IGF1R: variants seen among roughly 807,000 people sequenced by gnomAD.
IGF1R encodes insulin-like growth factor 1 receptor.
IGF1R carries 44 observed loss-of-function variants against 144.6 expected under a neutral mutation model. The observed-to-expected ratio is 0.30, with a 90% CI of 0.24 to 0.39. IGF1R has a LOEUF of 0.39. Ranked by LOEUF, IGF1R falls within the 10% of genes least tolerant of loss-of-function variation. IGF1R has a pLI of 1.00. For missense variants in IGF1R, 1,355 were observed against 1,833.7 expected (o/e 0.74, Z 4.77); for synonymous variants, 795 against 722.8 (o/e 1.10, Z -1.60).
At chr15:98,829,233 C>T (rs1046787652) in intron 2 of IGF1R, among the ~76,000 whole-genome samples, 3 of 152,130 alleles carry the variant, frequency 2.0e-5, no homozygotes, top group East Asian at 1.9e-4. Context: ...TTGCTGCAGC[C>T]GTTTCTGATG....
At chr15:98,671,224 C>CT (rs1236781728) in intron 1 of IGF1R, among the ~76,000 whole-genome samples, 2 of 152,176 alleles carry the variant, frequency 1.3e-5, no homozygotes, top group Admixed American at 6.5e-5. Context: ...TTTACTTAGA[C>CT]TTAGCAAAAA....
At chr15:98,881,504 G>T (rs986316954) in intron 2 of IGF1R, among the ~76,000 whole-genome samples, 8 of 152,168 alleles carry the variant, frequency 5.3e-5, no homozygotes, top group Admixed American at 4.6e-4. Flanking sequence ...TGTATTTTTA[G>T]TAGAGATCGG....
intron 2 of IGF1R, among the ~76,000 whole-genome samples, chr15:98,729,460 T>C (rs2054445458): frequency 6.6e-6 from 1 of 152,196 alleles, no homozygotes; most frequent in Non-Finnish European, 1.5e-5. Flanking sequence ...CTTTTATTTC[T>C]TCTATTCTTT....
At chr15:98,930,358 G>C in intron 15 of IGF1R, 53 bp downstream of exon 15, 3 of 1,303,354 alleles carry the variant, frequency 2.3e-6, no homozygotes, top group Admixed American at 1.7e-5. Context: ...TAGATCGGGA[G>C]CTTTCAGGAG....
intron 2 of IGF1R, among the ~76,000 whole-genome samples, chr15:98,777,111 G>A (rs1407000344): frequency 6.6e-6 from 1 of 152,162 alleles, no homozygotes; most frequent in Non-Finnish European, 1.5e-5. Context: ...GGTGTGCTCA[G>A]ATACCGTGTC....
At chr15:98,808,379 G>T (rs968863161) in intron 2 of IGF1R, among the ~76,000 whole-genome samples, 4 of 152,088 alleles carry the variant, frequency 2.6e-5, no homozygotes, top group Non-Finnish European at 4.4e-5. Context: ...GTGAATAATT[G>T]TTTCACTTTG....
intron 20 of IGF1R, among the ~76,000 whole-genome samples, chr15:98,950,224 G>A (rs904446961): frequency 6.6e-6 from 1 of 152,220 alleles, no homozygotes; most frequent in African/African-American, 2.4e-5. Flanking sequence ...CACAGACTCA[G>A]GCTGGGCCCA....
Position 98,948,702 on chromosome 15 carries a change from A to G in IGF1R, c.3716A>G (p.Asp1239Gly). ...GLLDKPDNCPDMLFELMRMCW... is the reference protein window; with the variant it reads ...GLLDKPDNCPGMLFELMRMCW... ...CTGGACAAGCCAGACAACTGTCCTG[A>G]CATGCTGTACGTACTTCCTGGGCCC... The change falls in exon 20 of 21, where the codon GAC (aspartate) becomes GGC (glycine). Residue 1239 changes from aspartate to glycine, a missense_variant. Coordinates refer to ENST00000650285, the MANE Select transcript of IGF1R (RefSeq NM_000875.5). 1 of 1,614,136 alleles carries G rather than the reference A, an allele frequency of 6.2e-7. No homozygotes were observed. The highest frequency in any genetic ancestry group is 8.5e-7 in the Non-Finnish European group (1 of 1,180,018).
chr15:98,869,888 G>A (rs1454650648), intron 2 of IGF1R, among the ~76,000 whole-genome samples: 1 of 152,182 alleles, frequency 6.6e-6, no homozygotes, highest in African/African-American at 2.4e-5. Flanking sequence ...GTCTCTATCT[G>A]TGTGTAAGGC....
At chr15:98,797,766 C>G (rs1045102647) in intron 2 of IGF1R, among the ~76,000 whole-genome samples, 1 of 152,198 alleles carries the variant, frequency 6.6e-6, no homozygotes, top group African/African-American at 2.4e-5. Context: ...GAGACAAAGC[C>G]AACTCCATTC....
In IGF1R at chr15:98,877,724, C is replaced by G. The variant is rs114321820; in HGVS notation, c.641-13601C>G. Among the ~76,000 whole-genome samples, 409 of 152,216 alleles carry G rather than the reference C, an allele frequency of 2.7e-3. 2 individuals are homozygous for G. The highest frequency in any genetic ancestry group is 9.4e-3 in the African/African-American group (391 of 41,528). On this transcript the variant is annotated intron_variant, in intron 2 of 20. Coordinates refer to ENST00000650285, the MANE Select transcript of IGF1R (RefSeq NM_000875.5). ...GAGGCTTCACTGTGATTTGCCTGTA[C>G]AGGTGTGCAGGTAAAAATCTAAGTT...
intron 2 of IGF1R, among the ~76,000 whole-genome samples, chr15:98,753,396 T>TTTTTTTTTG: frequency 7.0e-6 from 1 of 143,672 alleles, no homozygotes; most frequent in Non-Finnish European, 1.5e-5. Context: ...TTTTTTTTTT[T>TTTTTTTTTG]TTTTTTTTGT....
rs2017081679 is a variant in IGF1R, at chr15:98,958,090, TG to T, written c.*651del. 4.3e-6 allele frequency: 1 copy of T among 233,694 alleles called. No individual in the cohort carries two copies. Among genetic ancestry groups the T allele is most frequent in the South Asian group, 1.8e-4 (1 of 5,550 alleles). The allele number at this position is 233,694 out of a possible 1,614,324, so 14.5% of individuals were successfully genotyped here. A position where few individuals can be genotyped will look rare whatever the true frequency, so the allele number is the denominator to read the frequency against. ...CGCTGATTCCTCGTGTCCGGAGGCA[TG>T]GGTGAGCATGGCAGCTGGTTGCTCC... On this transcript the variant is annotated 3_prime_UTR_variant, in exon 21 of 21. Transcript: ENST00000650285.
chr15:98,963,705 TATC>T lies in IGF1R; in HGVS notation c.*6266_*6268del, dbSNP rs751350179. 9.6e-4 allele frequency: 223 copies of T among 233,318 alleles called. No individual in the cohort carries two copies. The highest frequency in any genetic ancestry group is 3.5e-3 in the Admixed American group (63 of 17,804). The allele number at this position is 233,318 out of a possible 1,614,324, so 14.5% of individuals were successfully genotyped here. On this transcript the variant is annotated 3_prime_UTR_variant, in exon 21 of 21. Transcript: ENST00000650285. ...ACAGGCCATTTGCTTACATGCCTCG[TATC>T]ATGACTGATTACTGCTTTGTTAGAA...
At chr15:98,656,675 C>T (rs915073474) in intron 1 of IGF1R, among the ~76,000 whole-genome samples, 1 of 152,060 alleles carries the variant, frequency 6.6e-6, no homozygotes, top group African/African-American at 2.4e-5. Flanking sequence ...AAAGTTCTTG[C>T]GGGGAGGAGT....
intron 1 of IGF1R, among the ~76,000 whole-genome samples, chr15:98,685,034 C>T (rs1314475441): frequency 6.6e-6 from 1 of 151,548 alleles, no homozygotes; most frequent in Non-Finnish European, 1.5e-5. Flanking sequence ...CCTCAACGTC[C>T]CAGGCTCAAG....
chr15:98,847,123 C>G (rs1390423775), intron 2 of IGF1R, among the ~76,000 whole-genome samples: 1 of 152,120 alleles, frequency 6.6e-6, no homozygotes, highest in Non-Finnish European at 1.5e-5. Flanking sequence ...ATTTCAGGCA[C>G]GTACCACCAT....
chr15:98,930,855 G>A (rs540329461), intron 15 of IGF1R, among the ~76,000 whole-genome samples: 1 of 152,264 alleles, frequency 6.6e-6, no homozygotes, highest in East Asian at 1.9e-4. Context: ...AAGTGGCTGG[G>A]AAGGTCTGAC....
At chr15:98,873,755 AG>A (rs1348421122) in intron 2 of IGF1R, 1 of 152,260 alleles carries the variant, frequency 6.6e-6, no homozygotes, top group African/African-American at 2.4e-5. Context: ...ACCAACAGAA[AG>A]GGCGATTTCT....
Sources: allele counts gnomAD v4.1 joint callset (sites outside exome capture counted in the v4.1 genomes callset), GRCh38; gene constraint gnomAD v4.1.1; transcripts MANE v1.5; gene names NCBI Gene and HGNC (gene_info 2026-07-23, HGNC 2026-07-21).